The following KIF6 variants were observed in gnomAD, a reference collection of about 807,000 sequenced individuals.
KIF6 encodes kinesin-like protein KIF6.
In KIF6, 106 loss-of-function variants were observed where a neutral mutation model predicts 112.7. That is an observed-to-expected ratio of 0.94 (90% confidence interval 0.80 to 1.11). The LOEUF (loss-of-function observed/expected upper bound fraction) is 1.11, where lower values mean the gene tolerates loss of function less well. Among genes scored for constraint, KIF6 ranks in the 50% least tolerant of loss-of-function variants. The pLI is 0.00. For missense variants in KIF6, 929 were observed against 964.0 expected (o/e 0.96, Z 0.48); for synonymous variants, 339 against 339.9 (o/e 1.00, Z 0.03).
chr6:39,689,187 A>C (rs1216428595), intron 3 of KIF6, among the ~76,000 whole-genome samples: 8 of 152,380 alleles, frequency 5.3e-5, no homozygotes, highest in East Asian at 3.9e-4. Flanking sequence ...AAAATATATT[A>C]GTTGATTTGA....
Position 39,725,075 on chromosome 6 carries a change from C to T in KIF6, c.66+170G>A, listed in dbSNP as rs1237181032. On this transcript the variant is annotated intron_variant, in intron 1 of 22. Coordinates refer to ENST00000287152, the MANE Select transcript of KIF6 (RefSeq NM_145027.6). ...CGGTCGCGTAGCTGACAGCAGTGCGCGGGGGTCTTCGCGGCTGCAGGGCTC... is the reference window on the plus strand; with the variant it reads ...CGGTCGCGTAGCTGACAGCAGTGCGTGGGGGTCTTCGCGGCTGCAGGGCTC... Among the ~76,000 whole-genome samples the T allele has an allele frequency of 2.6e-5, 4 of 152,152 alleles. No homozygotes were observed. The East Asian group carries it at 7.7e-4, about 29-fold the overall frequency.
At chr6:39,614,430 A>AATTT (rs1414358831) in intron 5 of KIF6, among the ~76,000 whole-genome samples, 3 of 152,206 alleles carry the variant, frequency 2.0e-5, no homozygotes, top group Non-Finnish European at 4.4e-5. Flanking sequence ...TTTTATAAAA[A>AATTT]CTTATTAAGA....
intron 10 of KIF6, among the ~76,000 whole-genome samples, chr6:39,569,960 C>T (rs755402517): frequency 3.9e-5 from 6 of 152,096 alleles, no homozygotes; most frequent in African/African-American, 7.2e-5. Context: ...TTTCAAAGTG[C>T]GATTTATTTG....
rs9462531 is a variant in KIF6, at chr6:39,335,818, G to A, written c.*714C>T. The A allele has an allele frequency of 0.35, 53,106 of 152,276 alleles. 9,617 individuals carry two copies. The highest frequency in any genetic ancestry group is 0.64 in the East Asian group (3,282 of 5,156). The allele number at this position is 152,276 out of a possible 1,614,324, so 9.4% of individuals were successfully genotyped here. A position where few individuals can be genotyped will look rare whatever the true frequency, so the allele number is the denominator to read the frequency against. On this transcript the variant is annotated 3_prime_UTR_variant, in exon 23 of 23. Coordinates refer to ENST00000287152, the MANE Select transcript of KIF6 (RefSeq NM_145027.6). ...TTGTGAGGCCCAAGGTACCCACACTGCCCTCTCTCAAGCTCTCAGCAGAGC... is the reference window on the plus strand; with the variant it reads ...TTGTGAGGCCCAAGGTACCCACACTACCCTCTCTCAAGCTCTCAGCAGAGC...
chr6:39,526,816 A>T (rs898518407), intron 13 of KIF6, among the ~76,000 whole-genome samples: 2 of 152,196 alleles, frequency 1.3e-5, no homozygotes, highest in Non-Finnish European at 2.9e-5. Flanking sequence ...TGTTTCTTTA[A>T]TTGCATTCAT....
intron 13 of KIF6, among the ~76,000 whole-genome samples, chr6:39,531,022 C>CA (rs895469720): frequency 9.2e-4 from 137 of 149,020 alleles, no homozygotes; most frequent in African/African-American, 2.3e-3. Flanking sequence ...GTAGTTTTGC[C>CA]AAAAAAAAAC....
At chr6:39,670,039 A>G (rs302572) in intron 3 of KIF6, among the ~76,000 whole-genome samples, 134,880 of 152,192 alleles carry the variant, frequency 0.89, 60,329 homozygotes, top group East Asian at 0.97. Context: ...AATTCAGATA[A>G]GTGAGAAGGT....
chr6:39,577,908 G>A lies in KIF6; in HGVS notation c.1181+148C>T, dbSNP rs141225512. 57 of 561,876 alleles carry A rather than the reference G, an allele frequency of 1.0e-4. 1 individual carries two copies. Among genetic ancestry groups the A allele is most frequent in the African/African-American group, 8.2e-4 (44 of 53,498 alleles). 34.8% of individuals were successfully genotyped at this position (561,876 alleles called of 1,614,324 possible). A position where few individuals can be genotyped will look rare whatever the true frequency, so the allele number is the denominator to read the frequency against. The stretch of plus-strand genomic sequence containing the variant: ...CTTATCCAGCTTTTCATGGAAAGCC[G>A]CCACTCTTAACTGGCGCCTAAATGC... On this transcript the variant is annotated intron_variant, in intron 10 of 22. Transcript: ENST00000287152.
chr6:39,401,140 A>G (rs1179948834), intron 15 of KIF6, among the ~76,000 whole-genome samples: 1 of 152,238 alleles, frequency 6.6e-6, no homozygotes, highest in South Asian at 2.1e-4. Flanking sequence ...AGGTGCCCCT[A>G]ATTCCTAATA....
At chr6:39,399,055 C>A (rs926650714) in intron 15 of KIF6, among the ~76,000 whole-genome samples, 1 of 152,220 alleles carries the variant, frequency 6.6e-6, no homozygotes, top group Non-Finnish European at 1.5e-5. Context: ...TGGACTTGAC[C>A]TGCAACATCA....
At chr6:39,685,550 A>G (rs1248144834) in intron 3 of KIF6, among the ~76,000 whole-genome samples, 1 of 152,258 alleles carries the variant, frequency 6.6e-6, no homozygotes, top group Non-Finnish European at 1.5e-5. Context: ...TAGGACTGTA[A>G]GTCTGCACTA....
chr6:39,580,173 G>C (rs543778341), intron 9 of KIF6, among the ~76,000 whole-genome samples: 9 of 151,874 alleles, frequency 5.9e-5, no homozygotes, highest in Non-Finnish European at 1.3e-4. Flanking sequence ...TTTCAATAAG[G>C]ATCTATAATT....
intron 13 of KIF6, among the ~76,000 whole-genome samples, chr6:39,447,083 G>A (rs144062152): frequency 2.6e-5 from 4 of 152,346 alleles, no homozygotes; most frequent in Admixed American, 6.5e-5. Context: ...TTTTAAGGTA[G>A]TTACAAATGA....
At chr6:39,421,829 C>T (rs1011196850) in intron 14 of KIF6, among the ~76,000 whole-genome samples, 3 of 152,336 alleles carry the variant, frequency 2.0e-5, no homozygotes, top group Admixed American at 6.5e-5. Context: ...CAGACATTTA[C>T]ATGATGCACA....
chr6:39,579,027 C>T (rs1295558081), intron 9 of KIF6, among the ~76,000 whole-genome samples: 2 of 152,096 alleles, frequency 1.3e-5, no homozygotes, highest in Non-Finnish European at 1.5e-5. Flanking sequence ...TTTGCTATTA[C>T]GAACAGTGTT....
intron 13 of KIF6, among the ~76,000 whole-genome samples, chr6:39,456,779 A>G (rs1348466591): frequency 9.0e-6 from 1 of 110,654 alleles, no homozygotes; most frequent in Non-Finnish European, 1.7e-5. Context: ...AAAGAAGGCC[A>G]TTACATAATG....
intron 13 of KIF6, among the ~76,000 whole-genome samples, chr6:39,442,028 G>A (rs1771946562): frequency 6.6e-6 from 1 of 152,174 alleles, no homozygotes; most frequent in African/African-American, 2.4e-5. Context: ...CCCAATGGTG[G>A]CACCACATCT....
intron 16 of KIF6, among the ~76,000 whole-genome samples, chr6:39,370,560 A>C (rs1765894489): frequency 6.6e-6 from 1 of 152,248 alleles, no homozygotes; most frequent in Admixed American, 6.5e-5. Flanking sequence ...CAGACCACAC[A>C]GTAGAACTGG....
chr6:39,393,138 T>G (rs1335368613), intron 15 of KIF6, among the ~76,000 whole-genome samples: 2 of 152,192 alleles, frequency 1.3e-5, no homozygotes, highest in African/African-American at 4.8e-5. Flanking sequence ...GTGAATTTTA[T>G]TCATACCCAA....
Sources: gnomAD v4.1 joint callset for allele counts (sites outside exome capture counted in the v4.1 genomes callset) on GRCh38, gnomAD v4.1.1 for gene constraint, MANE v1.5 for transcripts, NCBI Gene and HGNC (gene_info 2026-07-23, HGNC 2026-07-21) for gene names.